The following SPAG16 variants were observed in gnomAD, a reference collection of about 807,000 sequenced individuals.
The protein encoded by SPAG16 is sperm-associated antigen 16 protein.
In SPAG16, 86 loss-of-function variants were observed where a neutral mutation model predicts 80.4. The observed-to-expected ratio is 1.07, with a 90% CI of 0.90 to 1.28. The LOEUF is 1.28. Among genes scored for constraint, SPAG16 ranks in the 50% most tolerant of loss-of-function variants. SPAG16 has a pLI of 0.00. For missense variants in SPAG16, 870 were observed against 765.3 expected (o/e 1.14, Z -1.61); for synonymous variants, 294 against 265.9 (o/e 1.11, Z -1.03).
At chr2:213,822,378 T>C (rs369675140) in intron 10 of SPAG16, among the ~76,000 whole-genome samples, 1 of 152,190 alleles carries the variant, frequency 6.6e-6, no homozygotes, top group Admixed American at 6.6e-5. Context: ...TTGAGTGGAT[T>C]ATTAGATTTT....
chr2:213,645,856 C>T (rs1188009465), intron 10 of SPAG16, among the ~76,000 whole-genome samples: 1 of 152,150 alleles, frequency 6.6e-6, no homozygotes, highest in African/African-American at 2.4e-5. Flanking sequence ...ACCCAGACTG[C>T]CTTTCAAATT....
chr2:213,536,113 A>C (rs565854018), intron 10 of SPAG16, among the ~76,000 whole-genome samples: 1 of 152,182 alleles, frequency 6.6e-6, no homozygotes, highest in Admixed American at 6.6e-5. Flanking sequence ...TTTGCCTCTT[A>C]AATTTTGACT....
At chr2:214,121,433 A>G (rs990072076) in intron 14 of SPAG16, among the ~76,000 whole-genome samples, 2 of 151,776 alleles carry the variant, frequency 1.3e-5, no homozygotes, top group Non-Finnish European at 3.0e-5. Context: ...TCTCTGTACA[A>G]TTGTCCAATT....
intron 15 of SPAG16, among the ~76,000 whole-genome samples, chr2:214,398,250 T>C (rs1358765766): frequency 6.6e-6 from 1 of 152,204 alleles, no homozygotes; most frequent in African/African-American, 2.4e-5. Flanking sequence ...GTCAGTTTAT[T>C]TGAATTTCTG....
chr2:213,293,626 C>G (rs185539211), intron 1 of SPAG16, among the ~76,000 whole-genome samples: 1 of 152,258 alleles, frequency 6.6e-6, no homozygotes, highest in Admixed American at 6.5e-5. Context: ...GGAAATGGAT[C>G]CTGTTGCCTC....
intron 15 of SPAG16, among the ~76,000 whole-genome samples, chr2:214,255,866 A>T (rs1392407256): frequency 6.6e-6 from 1 of 151,948 alleles, no homozygotes; most frequent in Non-Finnish European, 1.5e-5. Context: ...TTACGCTATT[A>T]ATGTGGGCAT....
At chr2:213,583,342 T>G (rs1312172178) in intron 10 of SPAG16, among the ~76,000 whole-genome samples, 1 of 152,210 alleles carries the variant, frequency 6.6e-6, no homozygotes, top group Non-Finnish European at 1.5e-5. Flanking sequence ...ATGTTTAATA[T>G]TTTCTCAATT....
chr2:214,386,499 A>AGTT (rs1350715438), intron 15 of SPAG16, among the ~76,000 whole-genome samples: 2 of 152,168 alleles, frequency 1.3e-5, no homozygotes, highest in Non-Finnish European at 2.9e-5. Flanking sequence ...ATGGAAACAA[A>AGTT]GTTTATCAAA....
At chr2:214,228,739 C>T (rs1688473038) in intron 15 of SPAG16, among the ~76,000 whole-genome samples, 1 of 151,854 alleles carries the variant, frequency 6.6e-6, no homozygotes, top group African/African-American at 2.4e-5. Flanking sequence ...TCCTATTGAG[C>T]TTTTATCTCT....
chr2:213,558,871 C>T (rs377065160), intron 10 of SPAG16, among the ~76,000 whole-genome samples: 8 of 152,142 alleles, frequency 5.3e-5, no homozygotes, highest in African/African-American at 1.9e-4. Flanking sequence ...CTTCTCTCCT[C>T]TCTCATCTTT....
At chr2:213,780,297 A>G (rs927581399) in intron 10 of SPAG16, among the ~76,000 whole-genome samples, 28 of 152,176 alleles carry the variant, frequency 1.8e-4, no homozygotes, top group Non-Finnish European at 3.2e-4. Flanking sequence ...TCAAATTCAA[A>G]TTAACCTACC....
chr2:213,368,818 T>A (rs2125158675), intron 8 of SPAG16, among the ~76,000 whole-genome samples: 1 of 152,250 alleles, frequency 6.6e-6, no homozygotes, highest in African/African-American at 2.4e-5. Context: ...TCACAGTTGC[T>A]TCAAAGAGAA....
chr2:214,189,761 T>G (rs1053351570), intron 15 of SPAG16, among the ~76,000 whole-genome samples: 3 of 152,114 alleles, frequency 2.0e-5, no homozygotes, highest in Admixed American at 2.0e-4. Flanking sequence ...AAAAATCAAC[T>G]TAATTATATA....
intron 10 of SPAG16, among the ~76,000 whole-genome samples, chr2:213,718,351 C>G (rs939168522): frequency 1.3e-5 from 2 of 152,002 alleles, no homozygotes; most frequent in African/African-American, 4.8e-5. Context: ...CCCTCGCTTG[C>G]TCTCGGCACC....
intron 14 of SPAG16, among the ~76,000 whole-genome samples, chr2:214,128,609 C>T (rs923110403): frequency 1.3e-5 from 2 of 151,926 alleles, no homozygotes; most frequent in Admixed American, 1.3e-4. Flanking sequence ...TGAATTTATT[C>T]CTGTCTTCTT....
In SPAG16 at chr2:213,733,894, A is replaced by T. The variant is rs1330239157; in HGVS notation, c.1071-128591A>T. Among the ~76,000 whole-genome samples the T allele has an allele frequency of 3.3e-5, 5 of 152,284 alleles. No homozygotes were observed. The East Asian group carries it at 9.6e-4, about 29-fold the overall frequency. Reference sequence around the variant, plus strand: ...AACTTGCAAGCTCTTGGCATATTAGAGTTAAAACCAGAAGTCCTTTATTCT... The same window carrying T: ...AACTTGCAAGCTCTTGGCATATTAGTGTTAAAACCAGAAGTCCTTTATTCT... On this transcript the variant is annotated intron_variant, in intron 10 of 15. Coordinates refer to ENST00000331683, the MANE Select transcript of SPAG16 (RefSeq NM_024532.5).
At chr2:213,572,808 T>A (rs1291300979) in intron 10 of SPAG16, among the ~76,000 whole-genome samples, 2 of 152,290 alleles carry the variant, frequency 1.3e-5, no homozygotes, top group African/African-American at 4.8e-5. Flanking sequence ...TAAGCAAGCC[T>A]GGGCAATGGC....
chr2:213,845,440 C>T (rs186303478), intron 10 of SPAG16, among the ~76,000 whole-genome samples: 1 of 152,252 alleles, frequency 6.6e-6, no homozygotes, highest in East Asian at 1.9e-4. Flanking sequence ...TCGTGATCCA[C>T]CCTCTTCGGC....
chr2:213,601,695 C>T (rs2061068263), intron 10 of SPAG16, among the ~76,000 whole-genome samples: 1 of 152,202 alleles, frequency 6.6e-6, no homozygotes, highest in Admixed American at 6.5e-5. Flanking sequence ...ATTGCAACAT[C>T]ATATTTTACT....
Sources: gnomAD v4.1 joint callset for allele counts (sites outside exome capture counted in the v4.1 genomes callset) on GRCh38, gnomAD v4.1.1 for gene constraint, MANE v1.5 for transcripts, NCBI Gene and HGNC (gene_info 2026-07-23, HGNC 2026-07-21) for gene names.